The following LRCH1 variants were observed in gnomAD, a reference collection of about 807,000 sequenced individuals.
LRCH1 encodes the protein leucine-rich repeat and calponin homology domain-containing protein 1.
Under a neutral mutation model 94.9 loss-of-function variants are expected in LRCH1, and 23 were observed. The ratio of observed to expected loss-of-function variants is 0.24; its 90% CI spans 0.17 to 0.34. LRCH1 has a LOEUF of 0.34. LRCH1 is among the 10% of genes least tolerant of loss of function. The pLI is 1.00. For missense variants in LRCH1, 790 were observed against 945.9 expected (o/e 0.84, Z 2.16); for synonymous variants, 364 against 354.9 (o/e 1.03, Z -0.29).
chr13:46,742,880 T>A lies in LRCH1; in HGVS notation c.*1032T>A. ...TTTCTCTAATTATTTGAAATGTTCA[T>A]TTAGCCTTTGATTTTCACTGATATT... On this transcript the variant is annotated 3_prime_UTR_variant, in exon 20 of 20. Coordinates refer to ENST00000389797, the MANE Select transcript of LRCH1 (RefSeq NM_001164211.2). The A allele has an allele frequency of 1.0e-6, 1 of 985,352 alleles. No individual in the cohort carries two copies. 61.0% of individuals were successfully genotyped at this position (985,352 alleles called of 1,614,324 possible).
At chr13:46,688,732 A>G (rs1481422193) in intron 6 of LRCH1, among the ~76,000 whole-genome samples, 1 of 152,256 alleles carries the variant, frequency 6.6e-6, no homozygotes, top group Non-Finnish European at 1.5e-5. Context: ...AAATTTACAG[A>G]ATTATTGAAA....
rs937759274 is a variant in LRCH1, at chr13:46,742,240, T to C, written c.*392T>C. 4.6e-6 allele frequency: 5 copies of C among 1,082,468 alleles called. No individual in the cohort carries two copies. Among genetic ancestry groups the C allele is most frequent in the Admixed American group, 9.6e-5 (2 of 20,776 alleles). 67.1% of individuals were successfully genotyped at this position (1,082,468 alleles called of 1,614,324 possible). A position where few individuals can be genotyped will look rare whatever the true frequency, so the allele number is the denominator to read the frequency against. ...GATTTAGCATATGGAAGTCTTTCCT[T>C]TGGGTCAGTATTGAACTAGAATTCT... On this transcript the variant is annotated 3_prime_UTR_variant, in exon 20 of 20. Coordinates refer to ENST00000389797, the MANE Select transcript of LRCH1 (RefSeq NM_001164211.2).
At chr13:46,577,317 C>T (rs1036213875) in intron 1 of LRCH1, among the ~76,000 whole-genome samples, 1 of 152,066 alleles carries the variant, frequency 6.6e-6, no homozygotes, top group African/African-American at 2.4e-5. Context: ...AGGCTGGTCT[C>T]GAACTCCTGA....
intron 4 of LRCH1, 68 bp from the exon 5 acceptor site, chr13:46,685,837 A>G: frequency 8.8e-7 from 1 of 1,131,860 alleles, no homozygotes; most frequent in South Asian, 1.9e-5. Context: ...TTTTTGAATG[A>G]TTAGCCATTT....
At chr13:46,561,514 G>T (rs2050129744) in intron 1 of LRCH1, among the ~76,000 whole-genome samples, 2 of 152,198 alleles carry the variant, frequency 1.3e-5, no homozygotes, top group South Asian at 4.1e-4. Flanking sequence ...GACCCCTGCA[G>T]TGTGGTATGT....
chr13:46,555,963 A>G (rs2050060079), intron 1 of LRCH1, among the ~76,000 whole-genome samples: 1 of 152,252 alleles, frequency 6.6e-6, no homozygotes, highest in Admixed American at 6.5e-5. Flanking sequence ...CGGTGTACAC[A>G]GTGTTGACAC....
Position 46,678,396 on chromosome 13 carries a change from G to A in LRCH1, c.580-3345G>A, listed in dbSNP as rs563942607. 3.9e-5 allele frequency among the ~76,000 whole-genome samples: 6 copies of A among 152,260 alleles called. No individual in the cohort carries two copies. In the South Asian group the frequency reaches 1.2e-3, roughly 32 times the overall value. On this transcript the variant is annotated intron_variant, in intron 3 of 19. Transcript: ENST00000389797. ...AGTTTCAATGCCTTGTGGGAATAGA[G>A]TTTTGCACTATTTCTACAATATTGA...
chr13:46,614,384 G>A (rs759656165), intron 1 of LRCH1, among the ~76,000 whole-genome samples: 3 of 152,052 alleles, frequency 2.0e-5, no homozygotes, highest in Non-Finnish European at 4.4e-5. Context: ...AAGATTAGGA[G>A]AAAGAATATG....
chr13:46,619,159 G>A (rs578094264), intron 1 of LRCH1, among the ~76,000 whole-genome samples: 19 of 145,578 alleles, frequency 1.3e-4, no homozygotes, highest in African/African-American at 4.7e-4. Context: ...ACCCAGGCTG[G>A]AGTGCAGTGG....
chr13:46,612,664 G>A (rs1206671679), intron 1 of LRCH1, among the ~76,000 whole-genome samples: 1 of 152,058 alleles, frequency 6.6e-6, no homozygotes, highest in African/African-American at 2.4e-5. Context: ...TAGCATGCTG[G>A]GACTGTTTGT....
rs568889449 is a variant in LRCH1 at position 46,618,389 on chromosome 13, C to T, written c.308-31812C>T. 3.3e-5 allele frequency among the ~76,000 whole-genome samples: 5 copies of T among 152,248 alleles called. No individual in the cohort carries two copies. The East Asian group carries it at 7.7e-4, about 23-fold the overall frequency. ...CCATTTACGCAACCACCACTGCATGCGTGGTCCATTGTTAATGGAAACTGT... is the reference window on the plus strand; with the variant it reads ...CCATTTACGCAACCACCACTGCATGTGTGGTCCATTGTTAATGGAAACTGT... On this transcript the variant is annotated intron_variant, in intron 1 of 19. Transcript: ENST00000389797.
At chr13:46,635,627 C>T (rs1047917711) in intron 1 of LRCH1, among the ~76,000 whole-genome samples, 11 of 152,178 alleles carry the variant, frequency 7.2e-5, no homozygotes, top group African/African-American at 2.2e-4. Flanking sequence ...CCCGCCACCA[C>T]GCCCAGCTAA....
chr13:46,705,589 TAAAATACA>T (rs1871718354), intron 13 of LRCH1: 2 of 557,508 alleles, frequency 3.6e-6, no homozygotes, highest in African/African-American at 3.8e-5. Context: ...CGATGGCAAC[TAAAATACA>T]TAGGGAATCT....
intron 1 of LRCH1, among the ~76,000 whole-genome samples, chr13:46,612,889 A>G (rs981199285): frequency 6.6e-6 from 1 of 152,196 alleles, no homozygotes; most frequent in African/African-American, 2.4e-5. Flanking sequence ...AATTTAAGAA[A>G]GACAGTCATT....
chr13:46,692,692 T>A, intron 8 of LRCH1, 51 bp downstream of exon 8: 3 of 1,399,384 alleles, frequency 2.1e-6, no homozygotes, highest in Non-Finnish European at 3.0e-6. Context: ...TTTCAAATGT[T>A]ATGTTTAAAA....
intron 2 of LRCH1, among the ~76,000 whole-genome samples, chr13:46,668,722 CGGTGGCGG>C (rs143636430): frequency 0.71 from 85,791 of 121,222 alleles, 28,057 homozygotes; most frequent in Middle Eastern, 0.78. Flanking sequence ...TTCTAAGTGG[CGGTGGCGG>C]GGTGGCGGGG....
rs368148755 is a variant in LRCH1, at chr13:46,728,052, G to A, written c.1870-795G>A. On this transcript the variant is annotated intron_variant, in intron 17 of 19. Transcript: ENST00000389797. ...CCACCTCAGTCCCCCAAGTAGCTGG[G>A]ACCGCAGGTACACATCACCACGCCC... is the stretch of plus-strand genomic sequence containing the variant. Among the ~76,000 whole-genome samples, 105 of 151,922 alleles carry A rather than the reference G, an allele frequency of 6.9e-4. 3 individuals are homozygous for A. The South Asian group carries it at 0.02, about 29-fold the overall frequency.
chr13:46,561,776 C>T (rs2050132532), intron 1 of LRCH1, among the ~76,000 whole-genome samples: 1 of 152,312 alleles, frequency 6.6e-6, no homozygotes, highest in African/African-American at 2.4e-5. Context: ...CCTTCTCCTC[C>T]CTGTTCTGTA....
In LRCH1 at chr13:46,744,799, A is replaced by G; in HGVS notation, c.*2951A>G. On this transcript the variant is annotated 3_prime_UTR_variant, in exon 20 of 20. Coordinates refer to ENST00000389797, the MANE Select transcript of LRCH1 (RefSeq NM_001164211.2). Reference sequence around the variant, plus strand: ...CTGAAAGTTGTTTTGGATTAGGTGAAAAATACTTTAATATGATTTTATTTC... The same window carrying G: ...CTGAAAGTTGTTTTGGATTAGGTGAGAAATACTTTAATATGATTTTATTTC... 1.0e-6 allele frequency: 1 copy of G among 984,446 alleles called. No homozygotes were observed. Among genetic ancestry groups the G allele is most frequent in the South Asian group, 4.7e-5 (1 of 21,274 alleles). 61.0% of individuals were successfully genotyped at this position (984,446 alleles called of 1,614,324 possible).
Sources: allele counts gnomAD v4.1 joint callset (sites outside exome capture counted in the v4.1 genomes callset), GRCh38; gene constraint gnomAD v4.1.1; transcripts MANE v1.5; gene names NCBI Gene and HGNC (gene_info 2026-07-23, HGNC 2026-07-21).